Variants in HNRNPR observed in about 807,000 individuals in gnomAD.
HNRNPR encodes the protein heterogeneous nuclear ribonucleoprotein R.
Under a neutral mutation model 70.3 loss-of-function variants are expected in HNRNPR, and 4 were observed. That is an observed-to-expected ratio of 0.06 (90% CI 0.03 to 0.13). HNRNPR has a LOEUF of 0.13. HNRNPR is among the 10% of genes least tolerant of loss of function. HNRNPR has a pLI of 1.00. For synonymous variants in HNRNPR, 241 were observed against 267.6 expected, an observed-to-expected ratio of 0.90 and a Z score of 0.97; for missense variants, 423 against 788.5, an observed-to-expected ratio of 0.54 and a Z score of 5.55.
chr1:23,308,944 G>A lies in HNRNPR; in HGVS notation c.*1510C>T, dbSNP rs1037086122. On this transcript the variant is annotated 3_prime_UTR_variant, in exon 11 of 11. Transcript: ENST00000302271. ...CATTATAAAAACATTTGAGAACCAC[G>A]TAAGAATAAGATGGAGGGGAAAACT... is the stretch of plus-strand genomic sequence containing the variant. The A allele has an allele frequency of 3.9e-5, 6 of 152,104 alleles. No homozygotes were observed. The East Asian group carries it at 7.7e-4, about 20-fold the overall frequency. The allele number at this position is 152,104 out of a possible 1,614,324, so 9.4% of individuals were successfully genotyped here.
chr1:23,339,358 A>C (rs924713906), intron 2 of HNRNPR, among the ~76,000 whole-genome samples: 3 of 152,250 alleles, frequency 2.0e-5, no homozygotes, highest in African/African-American at 7.2e-5. Context: ...AATCATTTTC[A>C]AATGGCAATA....
At chr1:23,323,988 ATTTTTAT>A (rs1557869999) in intron 5 of HNRNPR, among the ~76,000 whole-genome samples, 2 of 152,060 alleles carry the variant, frequency 1.3e-5, no homozygotes, top group Non-Finnish European at 1.5e-5. Context: ...TAAATTTTAA[ATTTTTAT>A]AACTTGACTT....
In HNRNPR at chr1:23,310,956, T is replaced by C. The variant is rs755327808; in HGVS notation, c.1400A>G (p.Tyr467Cys). 4.3e-6 allele frequency: 7 copies of C among 1,614,124 alleles called. No homozygotes were observed. Among genetic ancestry groups the C allele is most frequent in the South Asian group, 1.1e-5 (1 of 91,078 alleles). The change falls in exon 11 of 11, where the codon TAT becomes TGT. Residue 467 changes from tyrosine to cysteine, a missense_variant. Physicochemically the swap from Tyr to Cys is radical, Grantham distance 194. This residue lies in a region of HNRNPR where 169 missense variants were observed against 195.6 expected (regional missense o/e 0.86). Transcript: ENST00000302271. The surrounding 1 kb of genome is among the most constrained non-coding windows in gnomAD (Gnocchi z 6.0). ...GYGYPPDYYG[Y>C]EDYYDDYYGY... is the part of the protein sequence containing the mutation. ...ATAGTAATCATCATAGTAATCTTCATAGCCGTAGTAATCTGGAGGGTAGCC... is the reference window on the plus strand; with the variant it reads ...ATAGTAATCATCATAGTAATCTTCACAGCCGTAGTAATCTGGAGGGTAGCC...
In HNRNPR at chr1:23,337,870, G is replaced by A. The variant is rs775878859; in HGVS notation, c.277-9C>T. On this transcript the variant is annotated splice_polypyrimidine_tract_variant and intron_variant, in intron 3 of 10. Transcript: ENST00000302271. ...AAAAATGCACTTTTGTTCTAGAACA[G>A]ACAAGTAATTCAATAAAAAGAATCA... The A allele has an allele frequency of 2.7e-6, 4 of 1,503,944 alleles. No homozygotes were observed. The highest frequency in any genetic ancestry group is 2.8e-5 in the African/African-American group (2 of 71,900). 93.2% of individuals were successfully genotyped at this position (1,503,944 alleles called of 1,614,324 possible). A position where few individuals can be genotyped will look rare whatever the true frequency, so the allele number is the denominator to read the frequency against.
chr1:23,327,704 A>G (rs1646046520), intron 5 of HNRNPR, among the ~76,000 whole-genome samples: 1 of 152,026 alleles, frequency 6.6e-6, no homozygotes, highest in African/African-American at 2.4e-5. Flanking sequence ...AAATAAATAA[A>G]TAAATAAATA....
chr1:23,334,417 T>C (rs889920105), intron 4 of HNRNPR, among the ~76,000 whole-genome samples: 1 of 151,728 alleles, frequency 6.6e-6, no homozygotes, highest in African/African-American at 2.4e-5. Flanking sequence ...TTTGTATTTT[T>C]AGTAAAGACA....
intron 5 of HNRNPR, among the ~76,000 whole-genome samples, chr1:23,330,333 G>C (rs1329442535): frequency 2.0e-5 from 3 of 152,086 alleles, no homozygotes; most frequent in Non-Finnish European, 4.4e-5. Context: ...TCAAGAGTTT[G>C]AGACCAGCCT....
intron 5 of HNRNPR, among the ~76,000 whole-genome samples, chr1:23,330,133 T>G (rs901779756): frequency 6.6e-6 from 1 of 152,196 alleles, no homozygotes; most frequent in African/African-American, 2.4e-5. Context: ...ATCTACCATT[T>G]CTTTTCATTA....
At chr1:23,343,901 G>A (rs1305490123) in intron 1 of HNRNPR, among the ~76,000 whole-genome samples, 2 of 152,144 alleles carry the variant, frequency 1.3e-5, no homozygotes, top group Non-Finnish European at 2.9e-5. Flanking sequence ...CGCGGGATCC[G>A]GCCGCATGGA....
At chr1:23,327,381 G>C (rs912322423) in intron 5 of HNRNPR, among the ~76,000 whole-genome samples, 4 of 152,150 alleles carry the variant, frequency 2.6e-5, no homozygotes, top group African/African-American at 9.7e-5. Context: ...TCTACTGAGA[G>C]AGACAGACAA....
At chr1:23,322,294 A>G (rs1645792271) in intron 6 of HNRNPR, among the ~76,000 whole-genome samples, 1 of 151,546 alleles carries the variant, frequency 6.6e-6, no homozygotes, top group South Asian at 2.1e-4. Context: ...GGAGGGCAGT[A>G]GCATGATCTT....
intron 8 of HNRNPR, among the ~76,000 whole-genome samples, chr1:23,316,486 T>C (rs1645551658): frequency 6.6e-6 from 1 of 152,188 alleles, no homozygotes; most frequent in African/African-American, 2.4e-5. Flanking sequence ...GAGCAGTTAC[T>C]AAAGGTTATG....
At position 23,310,219 on chromosome 1, in the gene HNRNPR, T is replaced by C; in HGVS notation, c.*235A>G. 1.3e-5 allele frequency: 5 copies of C among 382,414 alleles called. No homozygotes were observed. The highest frequency in any genetic ancestry group is 6.2e-5 in the South Asian group (1 of 16,100). 23.7% of individuals were successfully genotyped at this position (382,414 alleles called of 1,614,324 possible). A position where few individuals can be genotyped will look rare whatever the true frequency, so the allele number is the denominator to read the frequency against. The stretch of plus-strand genomic sequence containing the variant: ...AATGAAGCCTGAAACGATAAAAGCA[T>C]TGTAATCCCCAGAATAAGGGAACTC... On this transcript the variant is annotated 3_prime_UTR_variant, in exon 11 of 11. Coordinates refer to ENST00000302271, the MANE Select transcript of HNRNPR (RefSeq NM_005826.5). The surrounding 1 kb of genome is among the most constrained non-coding windows in gnomAD (Gnocchi z 6.0).
rs185733680 is a variant in HNRNPR at position 23,310,143 on chromosome 1, G to C, written c.*311C>G. The C allele has an allele frequency of 7.5e-5, 16 of 214,436 alleles. No individual in the cohort carries two copies. The highest frequency in any genetic ancestry group is 7.1e-4 in the Admixed American group (13 of 18,290). 13.3% of individuals were successfully genotyped at this position (214,436 alleles called of 1,614,324 possible). On this transcript the variant is annotated 3_prime_UTR_variant, in exon 11 of 11. Transcript: ENST00000302271. This position sits in a 1 kb window ranked among gnomAD's most constrained non-coding sequence, Gnocchi z 6.0. ...AAAAATGAAACTGTCCAAAACCAAA[G>C]GTTCTGCAAAATCATGATTTAACAG...
At chr1:23,313,229 T>G (rs534563513) in intron 9 of HNRNPR, among the ~76,000 whole-genome samples, 1 of 152,300 alleles carries the variant, frequency 6.6e-6, no homozygotes, top group African/African-American at 2.4e-5. Context: ...ACTAAGTAGT[T>G]ATAATGCATT....
At chr1:23,331,597 G>T (rs1186753942) in intron 5 of HNRNPR, among the ~76,000 whole-genome samples, 1 of 151,814 alleles carries the variant, frequency 6.6e-6, no homozygotes, top group Non-Finnish European at 1.5e-5. Flanking sequence ...TGAGGTAGGA[G>T]AATCGCTTGA....
At position 23,310,080 on chromosome 1, in the gene HNRNPR, C is replaced by T. The variant is rs1645272630; in HGVS notation, c.*374G>A. On this transcript the variant is annotated 3_prime_UTR_variant, in exon 11 of 11. Coordinates refer to ENST00000302271, the MANE Select transcript of HNRNPR (RefSeq NM_005826.5). This position sits in a 1 kb window ranked among gnomAD's most constrained non-coding sequence, Gnocchi z 6.0. ...CACTAGCTTGTATTTTTATTTACAG[C>T]ATACTCCATACTCCTATGTAATCTA... The T allele has an allele frequency of 6.2e-6, 1 of 160,482 alleles. No individual in the cohort carries two copies. Among genetic ancestry groups the T allele is most frequent in the African/African-American group, 2.4e-5 (1 of 41,764 alleles). The allele number at this position is 160,482 out of a possible 1,614,324, so 9.9% of individuals were successfully genotyped here.
chr1:23,337,482 C>T (rs1557934504), intron 4 of HNRNPR, among the ~76,000 whole-genome samples: 1 of 152,012 alleles, frequency 6.6e-6, no homozygotes, highest in African/African-American at 2.4e-5. Flanking sequence ...ACAGTGAAAC[C>T]CTATCTTTCC....
rs766095821 is a variant in HNRNPR at position 23,311,342 on chromosome 1, T to C, written c.1168-20A>G. 2.7e-6 allele frequency: 4 copies of C among 1,461,314 alleles called. No individual in the cohort carries two copies. Among genetic ancestry groups the C allele is most frequent in the African/African-American group, 1.4e-5 (1 of 70,766 alleles). The allele number at this position is 1,461,314 out of a possible 1,614,324, so 90.5% of individuals were successfully genotyped here. On this transcript the variant is annotated intron_variant, in intron 9 of 10. Coordinates refer to ENST00000302271, the MANE Select transcript of HNRNPR (RefSeq NM_005826.5). Reference sequence around the variant, plus strand: ...CATAGCCTATAAAAAATTAGAAAAATTATTTTACAACGATATAAAACTGTA... The same window carrying C: ...CATAGCCTATAAAAAATTAGAAAAACTATTTTACAACGATATAAAACTGTA...
Sources: allele counts gnomAD v4.1 joint callset (sites outside exome capture counted in the v4.1 genomes callset), GRCh38; gene constraint gnomAD v4.1.1; regional missense constraint gnomAD v4.1.1; non-coding constraint Gnocchi (gnomAD v3.1); transcripts MANE v1.5; gene names NCBI Gene and HGNC (gene_info 2026-07-23, HGNC 2026-07-21).